KHDRBS1: variants seen among roughly 807,000 people sequenced by gnomAD.
The protein encoded by KHDRBS1 is KH domain-containing, RNA-binding, signal transduction-associated protein 1.
In KHDRBS1, 7 loss-of-function variants were observed where a neutral mutation model predicts 48.4. The observed-to-expected ratio is 0.14, with a 90% CI of 0.08 to 0.27. KHDRBS1 has a LOEUF of 0.27. Ranked by LOEUF, KHDRBS1 falls within the 10% of genes least tolerant of loss-of-function variation. KHDRBS1 has a pLI of 1.00. For synonymous variants in KHDRBS1, 241 were observed against 235.8 expected (o/e 1.02, Z -0.20); for missense variants, 458 against 601.2 (o/e 0.76, Z 2.49).
intron 8 of KHDRBS1, among the ~76,000 whole-genome samples, chr1:32,040,933 G>A (rs1419845753): frequency 6.6e-6 from 1 of 152,132 alleles, no homozygotes; most frequent in Non-Finnish European, 1.5e-5. Context: ...CAGTTTTAGC[G>A]AAATAGCACT....
At chr1:32,016,003 AC>A (rs1354842168) in intron 1 of KHDRBS1, among the ~76,000 whole-genome samples, 1 of 151,986 alleles carries the variant, frequency 6.6e-6, no homozygotes, top group South Asian at 2.1e-4. Context: ...ACATGGTGAA[AC>A]CCCGTCTCTA....
chr1:32,039,511 T>C lies in KHDRBS1; in HGVS notation c.1176-4T>C. On this transcript the variant is annotated splice_region_variant and splice_polypyrimidine_tract_variant and intron_variant, in intron 7 of 8. Transcript: ENST00000327300. ...CTTCCTAACACTCTGCCTTTGGCTT[T>C]CAGGGACTCAGAATATTATGACTAT... 7.1e-7 allele frequency: 1 copy of C among 1,417,810 alleles called. No individual in the cohort carries two copies. The highest frequency in any genetic ancestry group is 1.0e-6 in the Non-Finnish European group (1 of 1,000,954). The allele number at this position is 1,417,810 out of a possible 1,614,324, so 87.8% of individuals were successfully genotyped here.
At chr1:32,040,998 A>G (rs1302365377) in intron 8 of KHDRBS1, among the ~76,000 whole-genome samples, 1 of 152,170 alleles carries the variant, frequency 6.6e-6, no homozygotes. Context: ...ATTTCCCTCC[A>G]TCAGTGAGGC....
At chr1:32,058,982 C>A (rs1639512701) in intron 10 of KHDRBS1, among the ~76,000 whole-genome samples, 1 of 151,710 alleles carries the variant, frequency 6.6e-6, no homozygotes, top group South Asian at 2.1e-4. Flanking sequence ...CATGGTGAAA[C>A]CCCATCTCTA....
intron 1 of KHDRBS1, among the ~76,000 whole-genome samples, chr1:32,018,506 A>G (rs531350520): frequency 5.7e-4 from 86 of 151,858 alleles, no homozygotes; most frequent in African/African-American, 2.0e-3. Context: ...CTGTAATCCC[A>G]GCACGTTGGG....
Position 32,014,357 on chromosome 1 carries a change from C to A in KHDRBS1, c.362C>A (p.Ala121Asp). 6.7e-7 allele frequency: 1 copy of A among 1,502,060 alleles called. No homozygotes were observed. Among genetic ancestry groups the A allele is most frequent in the Admixed American group, 2.0e-5 (1 of 49,518 alleles). The allele number at this position is 1,502,060 out of a possible 1,614,324, so 93.0% of individuals were successfully genotyped here. A position where few individuals can be genotyped will look rare whatever the true frequency, so the allele number is the denominator to read the frequency against. The change falls in exon 1 of 9, where the codon GCC becomes GAC. Residue 121 changes from alanine to aspartate, a missense_variant. Around this residue, in one of 3 missense-constraint regions of KHDRBS1, gnomAD observed 213 missense variants for 215.6 expected, o/e 0.99. Coordinates refer to ENST00000327300, the MANE Select transcript of KHDRBS1 (RefSeq NM_006559.3). Reference protein sequence around the residue: ...KDSLDPSFTHAMQLLTAEIEK... With the variant: ...KDSLDPSFTHDMQLLTAEIEK... The stretch of plus-strand genomic sequence containing the variant: ...TCGCTCGACCCGTCCTTCACTCACG[C>A]CATGCAGCTGCTGACGGCAGGTAAG...
At chr1:32,028,888 T>C (rs1369054326) in intron 1 of KHDRBS1, among the ~76,000 whole-genome samples, 2 of 151,962 alleles carry the variant, frequency 1.3e-5, no homozygotes, top group African/African-American at 4.8e-5. Context: ...CCCTCATCTC[T>C]ATTAGAACTC....
At position 32,017,600 on chromosome 1, in the gene KHDRBS1, C is replaced by CTTTTT. The variant is rs34505125; in HGVS notation, c.382+3243_382+3247dup. On this transcript the variant is annotated intron_variant, in intron 1 of 8. Coordinates refer to ENST00000327300, the MANE Select transcript of KHDRBS1 (RefSeq NM_006559.3). ...TATAGATACCAGTGTTCTTTTTCTA[C>CTTTTT]TTTTTTTTTTTTTTTTTTTTTTTTG... Among the ~76,000 whole-genome samples the CTTTTT allele has an allele frequency of 1.3e-3, 95 of 73,794 alleles. 3 individuals carry two copies. Among genetic ancestry groups the CTTTTT allele is most frequent in the Admixed American group, 2.9e-3 (14 of 4,902 alleles). The allele number at this position is 73,794 out of a possible 152,430, so 48.4% of individuals were successfully genotyped here. A position where few individuals can be genotyped will look rare whatever the true frequency, so the allele number is the denominator to read the frequency against.
At chr1:32,048,008 A>C (rs1490470540), downstream of KHDRBS1, among the ~76,000 whole-genome samples, 1 of 152,194 alleles carries the variant, frequency 6.6e-6, no homozygotes, top group Non-Finnish European at 1.5e-5. Flanking sequence ...AGGTTATAGC[A>C]TGTAACATAG....
At chr1:32,045,389 A>G (rs1639345303), downstream of KHDRBS1, 1 of 152,630 alleles carries the variant, frequency 6.6e-6, no homozygotes, top group South Asian at 2.1e-4. Flanking sequence ...GACCCATGTC[A>G]GGTATGTTAA....
chr1:32,045,421 A>G (rs1036743414), downstream of KHDRBS1: 3 of 152,638 alleles, frequency 2.0e-5, no homozygotes, highest in Non-Finnish European at 4.4e-5. Context: ...ATTAAGGAAC[A>G]TGGGCCTTTT....
At chr1:32,056,151 C>T (rs1161435127) in intron 10 of KHDRBS1, among the ~76,000 whole-genome samples, 3 of 152,080 alleles carry the variant, frequency 2.0e-5, no homozygotes, top group East Asian at 1.9e-4. Flanking sequence ...CATTCCTAGC[C>T]GGTACTGTGG....
chr1:32,014,487 T>C (rs988170692), intron 1 of KHDRBS1, 110 bp downstream of exon 1: 1 of 1,112,888 alleles, frequency 9.0e-7, no homozygotes, highest in Non-Finnish European at 1.2e-6. Flanking sequence ...CAGTCGGGAG[T>C]TCCGGTCTCA....
At chr1:32,058,695 C>G (rs748156028) in intron 10 of KHDRBS1, among the ~76,000 whole-genome samples, 22 of 151,992 alleles carry the variant, frequency 1.4e-4, no homozygotes, top group African/African-American at 5.3e-4. Context: ...CCCAGCTGCT[C>G]GGGAGGTGGA....
chr1:32,057,125 A>G (rs898240268), intron 10 of KHDRBS1, among the ~76,000 whole-genome samples: 2 of 152,198 alleles, frequency 1.3e-5, no homozygotes, highest in African/African-American at 2.4e-5. Context: ...AGAGCAGCAC[A>G]TTATAGGCAG....
chr1:32,030,301 T>C lies in KHDRBS1; in HGVS notation c.386T>C (p.Ile129Thr). The change falls in exon 2 of 9, where the codon ATT (isoleucine) becomes ACT (threonine). Residue 129 changes from isoleucine (I) to threonine (T), a missense_variant. Coordinates refer to ENST00000327300, the MANE Select transcript of KHDRBS1 (RefSeq NM_006559.3). ...THAMQLLTAE[I>T]EKIQKGDSKK... is the part of the protein sequence containing the mutation. Reference sequence around the variant, plus strand: ...ATAAATTGTTTTTCCTATTCAGAAATTGAGAAGATTCAGAAAGGAGACTCA... The same window carrying C: ...ATAAATTGTTTTTCCTATTCAGAAACTGAGAAGATTCAGAAAGGAGACTCA... 6.2e-7 allele frequency: 1 copy of C among 1,600,810 alleles called. No homozygotes were observed. Among genetic ancestry groups the C allele is most frequent in the Non-Finnish European group, 8.5e-7 (1 of 1,175,710 alleles).
At chr1:32,038,333 C>G (rs1310495638) in intron 6 of KHDRBS1, among the ~76,000 whole-genome samples, 1 of 152,148 alleles carries the variant, frequency 6.6e-6, no homozygotes, top group Non-Finnish European at 1.5e-5. Context: ...ACTTTACTTC[C>G]TGCCCACACT....
intron 4 of KHDRBS1, among the ~76,000 whole-genome samples, chr1:32,034,627 A>G (rs956380966): frequency 2.0e-5 from 3 of 152,062 alleles, no homozygotes; most frequent in Non-Finnish European, 2.9e-5. Context: ...AAGGATTCCA[A>G]CAGTCTCAAA....
At chr1:32,058,786 G>C (rs889555065) in intron 10 of KHDRBS1, among the ~76,000 whole-genome samples, 2 of 152,174 alleles carry the variant, frequency 1.3e-5, no homozygotes, top group Admixed American at 1.3e-4. Flanking sequence ...CTGAGTAACA[G>C]AGTGAGACTG....
Sources: gnomAD v4.1 joint callset for allele counts (sites outside exome capture counted in the v4.1 genomes callset) on GRCh38, gnomAD v4.1.1 for gene constraint, gnomAD v4.1.1 regional missense constraint, MANE v1.5 for transcripts, NCBI Gene and HGNC (gene_info 2026-07-23, HGNC 2026-07-21) for gene names.